Variants in CRYBG1 observed in about 807,000 individuals in gnomAD.
CRYBG1 encodes the protein beta/gamma crystallin domain-containing protein 1.
In CRYBG1, 139 loss-of-function variants were observed where a neutral mutation model predicts 189.2. The ratio of observed to expected loss-of-function variants is 0.73; its 90% CI spans 0.64 to 0.85. CRYBG1 has a LOEUF of 0.85. CRYBG1 is among the 40% of genes least tolerant of loss of function. The probability of loss-of-function intolerance (pLI) is 0.00; values close to 1 mark genes in which losing one functional copy is unlikely to be tolerated. For missense variants in CRYBG1, 2,611 were observed against 2,675.8 expected (o/e 0.98, Z 0.53); for synonymous variants, 1,023 against 1,017.1 (o/e 1.01, Z -0.11).
intron 10 of CRYBG1, 26 bp from the exon 11 acceptor site, chr6:106,543,414 A>G: frequency 6.3e-7 from 1 of 1,580,728 alleles, no homozygotes; most frequent in Non-Finnish European, 8.7e-7. Flanking sequence ...CTTACAGATT[A>G]CTGGTATATC....
chr6:106,438,315 G>C (rs1290830863), intron 1 of CRYBG1, among the ~76,000 whole-genome samples: 1 of 152,160 alleles, frequency 6.6e-6, no homozygotes, highest in Non-Finnish European at 1.5e-5. Flanking sequence ...ATTCACGTTG[G>C]GGTAGCGTGG....
chr6:106,492,578 C>G lies in CRYBG1; in HGVS notation c.313-18852C>G, dbSNP rs541664693. ...GGAAGGAAGGAAGGAAGGACCGACC[C>G]AGAGCTAGGGTGCTTGTATTTTAAG... On this transcript the variant is annotated intron_variant, in intron 2 of 21. Transcript: ENST00000633556. Among the ~76,000 whole-genome samples, 6 of 152,088 alleles carry G rather than the reference C, an allele frequency of 3.9e-5. No individual in the cohort carries two copies. The South Asian group carries it at 1.0e-3, about 26-fold the overall frequency.
intron 1 of CRYBG1, among the ~76,000 whole-genome samples, chr6:106,401,044 A>G (rs1333549593): frequency 2.6e-5 from 4 of 152,208 alleles, no homozygotes; most frequent in African/African-American, 7.2e-5. Context: ...AGCAGACACT[A>G]TATTTCCTCC....
At chr6:106,431,652 AG>A (rs1305905477) in intron 1 of CRYBG1, among the ~76,000 whole-genome samples, 1 of 152,216 alleles carries the variant, frequency 6.6e-6, no homozygotes, top group Non-Finnish European at 1.5e-5. Context: ...CTACACTATG[AG>A]GGGAGAAAAA....
chr6:106,505,087 C>T (rs1562092646), intron 2 of CRYBG1, among the ~76,000 whole-genome samples: 1 of 151,582 alleles, frequency 6.6e-6, no homozygotes, highest in Non-Finnish European at 1.5e-5. Flanking sequence ...CATGCCCCAC[C>T]TCACCTGGCT....
At chr6:106,404,840 G>A (rs1770792390) in intron 1 of CRYBG1, among the ~76,000 whole-genome samples, 1 of 152,168 alleles carries the variant, frequency 6.6e-6, no homozygotes, top group Non-Finnish European at 1.5e-5. Context: ...GAGGAACGGT[G>A]CACTCTGGCC....
intron 20 of CRYBG1, among the ~76,000 whole-genome samples, chr6:106,562,137 A>C (rs1239387004): frequency 1.3e-5 from 2 of 150,716 alleles, no homozygotes; most frequent in Non-Finnish European, 2.9e-5. Flanking sequence ...CAAAACAAAA[A>C]ACCAAAAAAA....
intron 17 of CRYBG1, 151 bp downstream of exon 17, chr6:106,556,048 T>C: frequency 2.3e-6 from 2 of 880,556 alleles, no homozygotes; most frequent in Admixed American, 2.3e-5. Flanking sequence ...ACATCTAGTT[T>C]ATTGATTCTA....
intron 17 of CRYBG1, among the ~76,000 whole-genome samples, 190 bp from the exon 18 acceptor site, chr6:106,558,296 T>C (rs1774608188): frequency 6.6e-6 from 1 of 152,006 alleles, no homozygotes; most frequent in African/African-American, 2.4e-5. Context: ...ATGGAGAAAC[T>C]AACTGCCCCT....
intron 4 of CRYBG1, among the ~76,000 whole-genome samples, chr6:106,523,727 T>A (rs375257933): frequency 1.9e-4 from 28 of 145,948 alleles, no homozygotes; most frequent in Non-Finnish European, 4.0e-4. Flanking sequence ...GGGGCCCTTA[T>A]GGCCTTTTTT....
intron 2 of CRYBG1, among the ~76,000 whole-genome samples, chr6:106,499,401 C>T (rs909649675): frequency 1.3e-5 from 2 of 150,350 alleles, no homozygotes; most frequent in African/African-American, 4.9e-5. Flanking sequence ...CTCAGGTGAT[C>T]CACCTGCCTC....
rs982023585 is a variant in CRYBG1, at chr6:106,361,052, C to A, written c.144C>A (p.His48Gln). The change falls in exon 1 of 22, where the codon CAC (histidine) becomes CAA (glutamine). Residue 48 changes from histidine (H) to glutamine (Q), a missense_variant. Transcript: ENST00000633556. The stretch of plus-strand genomic sequence containing the variant: ...CTGACTGTGGGGTGTTCGTTCCGCA[C>A]CCGCTCCCGGCGCCTGCCGGAGAGG... ...APPDCGVFVP[H>Q]PLPAPAGEAR... is the part of the protein sequence containing the mutation. The A allele has an allele frequency of 1.3e-6, 2 of 1,534,832 alleles. No homozygotes were observed. The highest frequency in any genetic ancestry group is 1.2e-5 in the South Asian group (1 of 84,036).
Position 106,521,280 on chromosome 6 carries a change from G to A in CRYBG1, c.4072G>A (p.Glu1358Lys), listed in dbSNP as rs760392136. 6.2e-7 allele frequency: 1 copy of A among 1,613,848 alleles called. No homozygotes were observed. Among genetic ancestry groups the A allele is most frequent in the Non-Finnish European group, 8.5e-7 (1 of 1,179,960 alleles). The change falls in exon 4 of 22, where the codon GAA becomes AAA. Residue 1358 changes from glutamate (E) to lysine (K), a missense_variant. Around this residue, in one of 3 missense-constraint regions of CRYBG1, gnomAD observed 1,622 missense variants for 1,735.0 expected, o/e 0.93. Transcript: ENST00000633556. ...ACACTTGCCAGAAACTAAATTTTCT[G>A]AATTGTCAAAACTGAAGAATGATGA... ...NLHLPETKFSELSKLKNDDME... is the reference protein window; with the variant it reads ...NLHLPETKFSKLSKLKNDDME...
intron 1 of CRYBG1, among the ~76,000 whole-genome samples, chr6:106,449,747 G>A (rs1316012007): frequency 6.6e-6 from 1 of 152,078 alleles, no homozygotes; most frequent in Non-Finnish European, 1.5e-5. Context: ...TTCCTAAGAA[G>A]ATATTAGCCT....
At chr6:106,547,184 G>A (rs1770722) in intron 13 of CRYBG1, among the ~76,000 whole-genome samples, 125,204 of 151,234 alleles carry the variant, frequency 0.83, 52,149 homozygotes, top group South Asian at 0.95. Context: ...GTACACATAC[G>A]TGGACACACA....
intron 2 of CRYBG1, among the ~76,000 whole-genome samples, chr6:106,480,741 G>A (rs981761945): frequency 1.3e-5 from 2 of 151,778 alleles, no homozygotes; most frequent in Admixed American, 6.6e-5. Flanking sequence ...GGAGGCTGAG[G>A]CGGGTGGATC....
intron 2 of CRYBG1, among the ~76,000 whole-genome samples, chr6:106,455,757 C>T (rs945738595): frequency 9.9e-5 from 15 of 151,574 alleles, no homozygotes; most frequent in African/African-American, 7.3e-5. Flanking sequence ...TTAATTCAAG[C>T]AAAAAAAGGT....
At chr6:106,496,362 C>T (rs1772851676) in intron 2 of CRYBG1, among the ~76,000 whole-genome samples, 1 of 152,174 alleles carries the variant, frequency 6.6e-6, no homozygotes, top group African/African-American at 2.4e-5. Context: ...TTAACACTTT[C>T]CTTATCATTT....
rs1358858805 is a variant in CRYBG1, at chr6:106,432,863, A to G, written c.174-18831A>G. On this transcript the variant is annotated intron_variant, in intron 1 of 21. Transcript: ENST00000633556. ...TTCTTTTTTTTTTTTTTTTTGAGAC[A>G]GAGTCTCACTCTGTTGCCCAGGCTG... is the stretch of plus-strand genomic sequence containing the variant. 2.3e-5 allele frequency among the ~76,000 whole-genome samples: 3 copies of G among 129,072 alleles called. No individual in the cohort carries two copies. The Admixed American group carries it at 2.6e-4, about 11-fold the overall frequency. 84.7% of individuals were successfully genotyped at this position (129,072 alleles called of 152,430 possible). A position where few individuals can be genotyped will look rare whatever the true frequency, so the allele number is the denominator to read the frequency against.
Sources: allele counts gnomAD v4.1 joint callset (sites outside exome capture counted in the v4.1 genomes callset), GRCh38; gene constraint gnomAD v4.1.1; regional missense constraint gnomAD v4.1.1; transcripts MANE v1.5; gene names NCBI Gene and HGNC (gene_info 2026-07-23, HGNC 2026-07-21).